SPRY3: variants seen among roughly 807,000 people sequenced by gnomAD.
SPRY3 encodes the protein protein sprouty homolog 3.
A neutral mutation model predicts 20.2 loss-of-function variants in SPRY3; 15 were observed. The ratio of observed to expected loss-of-function variants is 0.74; its 90% CI spans 0.50 to 1.14. The LOEUF (loss-of-function observed/expected upper bound fraction) is 1.14, where lower values mean the gene tolerates loss of function less well. Ranked by LOEUF, SPRY3 falls within the 50% of genes most tolerant of loss-of-function variation. SPRY3 has a pLI of 0.00. For synonymous variants in SPRY3, 143 were observed against 136.5 expected (o/e 1.05, Z -0.33); for missense variants, 364 against 363.9 (o/e 1.00, Z 0.00).
chrX:155,717,666 C>G (rs1373241966), intron 2 of SPRY3, among the ~76,000 whole-genome samples: 2 of 151,890 alleles, frequency 1.3e-5, no homozygotes, highest in South Asian at 2.1e-4. Flanking sequence ...GTTTGGTTTT[C>G]TGTTCCTGTG....
intron 2 of SPRY3, among the ~76,000 whole-genome samples, chrX:155,672,332 A>G (rs1439992778): frequency 2.7e-5 from 3 of 109,958 alleles, no homozygotes; most frequent in African/African-American, 9.9e-5. Flanking sequence ...AAGGGCTAAT[A>G]TCCAGAATCT....
chrX:155,628,828 G>A (rs1165076608), intron 1 of SPRY3, among the ~76,000 whole-genome samples: 3 of 111,627 alleles, frequency 2.7e-5, no homozygotes, highest in African/African-American at 9.8e-5. Flanking sequence ...TTTGGTAATA[G>A]CCATCCTAAT....
intron 2 of SPRY3, among the ~76,000 whole-genome samples, chrX:155,671,190 T>C (rs1451584402): frequency 9.0e-6 from 1 of 111,720 alleles, no homozygotes; most frequent in Non-Finnish European, 1.9e-5. Flanking sequence ...GGTGAGAGAA[T>C]GACTGGTTGT....
chrX:155,721,372 G>T (rs2091056466), intron 2 of SPRY3, among the ~76,000 whole-genome samples: 3 of 152,060 alleles, frequency 2.0e-5, no homozygotes, highest in African/African-American at 2.4e-5. Context: ...GTAGGGGAGG[G>T]TAGAAAGTTT....
At chrX:155,770,525 T>A (rs2091374175) in intron 3 of SPRY3, among the ~76,000 whole-genome samples, 1 of 152,108 alleles carries the variant, frequency 6.6e-6, no homozygotes, top group Non-Finnish European at 1.5e-5. Context: ...GCATCATTCA[T>A]TACTGCAGAG....
At chrX:155,633,941 C>T (rs1229016161) in intron 1 of SPRY3, among the ~76,000 whole-genome samples, 6 of 111,134 alleles carry the variant, frequency 5.4e-5, no homozygotes, top group Non-Finnish European at 7.5e-5. Context: ...ATTAGCTGGG[C>T]GTGGTGGCAT....
chrX:155,635,203 A>G (rs112362495), intron 1 of SPRY3, among the ~76,000 whole-genome samples: 1,932 of 111,236 alleles, frequency 0.017, 53 homozygotes, highest in African/African-American at 0.061. Flanking sequence ...ATCTCCCTGC[A>G]AAGGACATGA....
chrX:155,625,863 GT>G, intron 1 of SPRY3, among the ~76,000 whole-genome samples: 1 of 111,418 alleles, frequency 9.0e-6, no homozygotes, highest in East Asian at 2.8e-4. Flanking sequence ...TGAGCATAAT[GT>G]TTTTAAGGTC....
chrX:155,716,984 ATATATAT>A (rs781114099), intron 2 of SPRY3, among the ~76,000 whole-genome samples: 34,064 of 118,830 alleles, frequency 0.29, 5,823 homozygotes, highest in African/African-American at 0.49. Context: ...AATACAAAAT[ATATATAT>A]ATATATATAT....
At chrX:155,706,700 T>C (rs749635162) in intron 2 of SPRY3, among the ~76,000 whole-genome samples, 1 of 151,012 alleles carries the variant, frequency 6.6e-6, no homozygotes, top group Non-Finnish European at 1.5e-5. Context: ...GATGAAGGAA[T>C]ATTAAGAACA....
chrX:155,637,090 C>T (rs191379385), intron 1 of SPRY3, among the ~76,000 whole-genome samples: 3,932 of 103,320 alleles, frequency 0.038, 84 homozygotes, highest in African/African-American at 0.065. Flanking sequence ...TGCTAGATGA[C>T]GAGTTAATGG....
At chrX:155,718,999 C>A (rs1479002057) in intron 2 of SPRY3, among the ~76,000 whole-genome samples, 2 of 152,052 alleles carry the variant, frequency 1.3e-5, no homozygotes, top group Non-Finnish European at 2.9e-5. Context: ...TTCATAAGAA[C>A]CAAAAATCAA....
chrX:155,620,962 T>G (rs1464037594), intron 1 of SPRY3, among the ~76,000 whole-genome samples: 1 of 111,905 alleles, frequency 8.9e-6, no homozygotes, highest in Admixed American at 9.5e-5. Context: ...ACAACTGGTG[T>G]GACGAGGAAA....
chrX:155,616,129 TC>T (rs782339445), intron 1 of SPRY3, among the ~76,000 whole-genome samples: 422 of 29,722 alleles, frequency 0.014, 4 homozygotes, highest in Non-Finnish European at 0.024. Context: ...TCTCTCTCTC[TC>T]CTCTCTCTCT....
intron 2 of SPRY3, among the ~76,000 whole-genome samples, chrX:155,723,418 A>G (rs1423751917): frequency 6.6e-6 from 1 of 152,024 alleles, no homozygotes; most frequent in Non-Finnish European, 1.5e-5. Context: ...AAGCATTCCT[A>G]TTTCTCCACA....
chrX:155,675,617 C>T (rs1393304116), intron 2 of SPRY3, among the ~76,000 whole-genome samples: 1 of 111,588 alleles, frequency 9.0e-6, no homozygotes. Context: ...AAAGGACATC[C>T]AAATGACTAT....
intron 1 of SPRY3, among the ~76,000 whole-genome samples, chrX:155,649,169 C>G (rs1471129116): frequency 9.0e-6 from 1 of 111,641 alleles, no homozygotes; most frequent in African/African-American, 3.3e-5. Flanking sequence ...GACAGATTCA[C>G]AGCCGAATTC....
chrX:155,661,906 T>A (rs1472940111), intron 2 of SPRY3, among the ~76,000 whole-genome samples: 1 of 111,990 alleles, frequency 8.9e-6, no homozygotes, highest in Non-Finnish European at 1.9e-5. Context: ...TTTAAAAAAA[T>A]TTTCTGTCTC....
intron 3 of SPRY3, among the ~76,000 whole-genome samples, chrX:155,769,901 G>T (rs1212360332): frequency 6.6e-6 from 1 of 152,156 alleles, no homozygotes; most frequent in African/African-American, 2.4e-5. Flanking sequence ...GTATTTGTAA[G>T]GGGGGAGTGC....
Sources: allele counts gnomAD v4.1 joint callset (sites outside exome capture counted in the v4.1 genomes callset), GRCh38; gene constraint gnomAD v4.1.1; transcripts MANE v1.5; gene names NCBI Gene and HGNC (gene_info 2026-07-23, HGNC 2026-07-21).